The following FIG4 variants were observed in gnomAD, a reference collection of about 807,000 sequenced individuals.
The protein encoded by FIG4 is FIG4 phosphoinositide 5-phosphatase, also known as polyphosphoinositide phosphatase.
A neutral mutation model predicts 118.6 loss-of-function variants in FIG4; 112 were observed. The observed-to-expected ratio is 0.94, with a 90% CI of 0.81 to 1.11. The LOEUF (loss-of-function observed/expected upper bound fraction) is 1.11. Ranked by LOEUF, FIG4 falls within the 50% of genes least tolerant of loss-of-function variation. The pLI is 0.00. For synonymous variants in FIG4, 369 were observed against 381.2 expected, an observed-to-expected ratio of 0.97 and a Z score of 0.37; for missense variants, 969 against 1,111.7, an observed-to-expected ratio of 0.87 and a Z score of 1.83.
chr6:109,742,555 A>G (rs1415668000), intron 8 of FIG4, among the ~76,000 whole-genome samples: 1 of 152,162 alleles, frequency 6.6e-6, no homozygotes, highest in Non-Finnish European at 1.5e-5. Flanking sequence ...GCTTTAAAAT[A>G]TCAGAATTTT....
In FIG4 at chr6:109,778,871, T is replaced by C. The variant is rs562461172; in HGVS notation, c.1889+1811T>C. Among the ~76,000 whole-genome samples, 8 of 152,316 alleles carry C rather than the reference T, an allele frequency of 5.3e-5. No homozygotes were observed. In the South Asian group the frequency reaches 8.3e-4, roughly 16 times the overall value. On this transcript the variant is annotated intron_variant, in intron 16 of 22. Transcript: ENST00000230124. ...GCCTTGGCCTCCCAAAGTGCTGGGA[T>C]TACAGGCGTGAGCCACCGCGCCCGG...
In FIG4 at chr6:109,738,389, A is replaced by G. The variant is rs1344182553; in HGVS notation, c.711A>G (p.Ile237Met). The G allele has an allele frequency of 6.2e-7, 1 of 1,611,510 alleles. No homozygotes were observed. Among genetic ancestry groups the G allele is most frequent in the African/African-American group, 1.3e-5 (1 of 74,832 alleles). Residue 237 changes from isoleucine (I) to methionine (M), a missense_variant, in exon 7 of 23, where the codon ATA (isoleucine) becomes ATG (methionine). Around this residue, in one of 3 missense-constraint regions of FIG4, gnomAD observed 393 missense variants for 409.4 expected, o/e 0.96. Coordinates refer to ENST00000230124, the MANE Select transcript of FIG4 (RefSeq NM_014845.6). ...TATGGAATGGTGAACTTCTGGATAT[A>G]ATTAAAAGTACTGTGCATCGTGACT... ...KYVWNGELLD[I>M]IKSTVHRDWL... is the part of the protein sequence containing the mutation.
chr6:109,760,428 G>T (rs372437824), intron 11 of FIG4, 45 bp downstream of exon 11: 1 of 1,557,802 alleles, frequency 6.4e-7, no homozygotes, highest in Admixed American at 1.7e-5. Flanking sequence ...TCCTTTTCTT[G>T]TGATGAGAAA....
At position 109,727,887 on chromosome 6, in the gene FIG4, G is replaced by A. The variant is rs565011213; in HGVS notation, c.446+622G>A. 5.3e-5 allele frequency among the ~76,000 whole-genome samples: 8 copies of A among 152,236 alleles called. No individual in the cohort carries two copies. The South Asian group carries it at 1.7e-3, about 32-fold the overall frequency. ...CCTAGATTCTTAAAAGAATGTAAAA[G>A]TCATCAAAGACAAAAAACAAAAGAC... On this transcript the variant is annotated intron_variant, in intron 4 of 22. Transcript: ENST00000230124.
intron 1 of FIG4, among the ~76,000 whole-genome samples, chr6:109,704,374 G>A (rs1774992889): frequency 6.6e-6 from 1 of 152,116 alleles, no homozygotes; most frequent in African/African-American, 2.4e-5. Context: ...GTGGGCTTGG[G>A]GCCAGGCATG....
At chr6:109,709,040 C>G (rs1268970012) in intron 1 of FIG4, among the ~76,000 whole-genome samples, 4 of 152,102 alleles carry the variant, frequency 2.6e-5, no homozygotes, top group Admixed American at 1.3e-4. Flanking sequence ...TTTGCCTGTG[C>G]CTATGTCCTG....
chr6:109,777,092 C>A (rs1777643935), intron 16 of FIG4, 32 bp downstream of exon 16: 1 of 1,583,022 alleles, frequency 6.3e-7, no homozygotes, highest in Admixed American at 1.7e-5. Context: ...AATATAAACT[C>A]CCATTTGGTG....
chr6:109,710,991 T>C (rs1775242663), intron 1 of FIG4, among the ~76,000 whole-genome samples: 2 of 152,170 alleles, frequency 1.3e-5, no homozygotes, highest in Non-Finnish European at 2.9e-5. Context: ...AGCTCTGATG[T>C]TGAGTATCCT....
chr6:109,775,565 T>TA (rs1255819911), intron 15 of FIG4, among the ~76,000 whole-genome samples: 1 of 152,204 alleles, frequency 6.6e-6, no homozygotes, highest in Non-Finnish European at 1.5e-5. Flanking sequence ...CTATTAAGGC[T>TA]ATTTAAGAAG....
At chr6:109,778,775 A>G (rs1176672566) in intron 16 of FIG4, among the ~76,000 whole-genome samples, 3 of 151,722 alleles carry the variant, frequency 2.0e-5, no homozygotes, top group East Asian at 3.9e-4. Flanking sequence ...ATTTTTTTGT[A>G]TTTTTAGTAG....
At chr6:109,810,821 T>G (rs9487222) in intron 22 of FIG4, among the ~76,000 whole-genome samples, 1,946 of 152,258 alleles carry the variant, frequency 0.013, 47 homozygotes, top group African/African-American at 0.045. Context: ...AAAGGTAAGT[T>G]TTTGTCCCAG....
intron 3 of FIG4, among the ~76,000 whole-genome samples, chr6:109,722,765 A>G (rs1189945835): frequency 6.6e-6 from 1 of 152,110 alleles, no homozygotes; most frequent in Non-Finnish European, 1.5e-5. Flanking sequence ...TTGGCCTGAC[A>G]TGCCTGGAGT....
intron 1 of FIG4, among the ~76,000 whole-genome samples, chr6:109,694,120 A>G (rs11153214): frequency 0.29 from 44,360 of 151,990 alleles, 6,928 homozygotes; most frequent in Middle Eastern, 0.4. Context: ...TTCTACTACT[A>G]TATATATTAT....
At chr6:109,767,636 C>G (rs139801486) in intron 15 of FIG4, among the ~76,000 whole-genome samples, 1 of 151,980 alleles carries the variant, frequency 6.6e-6, no homozygotes, top group Non-Finnish European at 1.5e-5. Context: ...TTTGGGAGGC[C>G]GAGGTGGGCG....
At chr6:109,757,680 T>C (rs537170272) in intron 10 of FIG4, among the ~76,000 whole-genome samples, 2 of 152,302 alleles carry the variant, frequency 1.3e-5, no homozygotes, top group Admixed American at 1.3e-4. Context: ...ATTATCTCTG[T>C]TTGCAGAGGA....
chr6:109,703,893 G>A (rs918207021), intron 1 of FIG4, among the ~76,000 whole-genome samples: 7 of 152,264 alleles, frequency 4.6e-5, no homozygotes, highest in Admixed American at 1.3e-4. Context: ...CTTCTCAGCT[G>A]GTTCCTTCTC....
intron 22 of FIG4, among the ~76,000 whole-genome samples, chr6:109,797,111 T>G (rs1216839281): frequency 6.6e-6 from 1 of 152,120 alleles, no homozygotes; most frequent in African/African-American, 2.4e-5. Flanking sequence ...AACTCTGCCC[T>G]CCACTGGGTA....
chr6:109,811,168 A>G (rs1778710245), intron 22 of FIG4, among the ~76,000 whole-genome samples: 1 of 152,174 alleles, frequency 6.6e-6, no homozygotes, highest in Admixed American at 6.5e-5. Flanking sequence ...CCCTCAAGTA[A>G]TATTCGAATC....
chr6:109,770,166 C>G (rs556905823), intron 15 of FIG4, among the ~76,000 whole-genome samples: 1 of 152,232 alleles, frequency 6.6e-6, no homozygotes, highest in South Asian at 2.1e-4. Context: ...GCATAGGTAT[C>G]TCTTCAGATG....
Sources: gnomAD v4.1 joint callset for allele counts (sites outside exome capture counted in the v4.1 genomes callset) on GRCh38, gnomAD v4.1.1 for gene constraint, gnomAD v4.1.1 regional missense constraint, MANE v1.5 for transcripts, NCBI Gene and HGNC (gene_info 2026-07-23, HGNC 2026-07-21) for gene names.